ADAM29: variants seen among roughly 807,000 people sequenced by gnomAD.
The protein encoded by ADAM29 is disintegrin and metalloproteinase domain-containing protein 29.
For synonymous variants in ADAM29, 367 were observed against 342.3 expected (o/e 1.07, Z -0.80); for missense variants, 969 against 1,001.8 (o/e 0.97, Z 0.44).
At chr4:174,924,049 T>C (rs1265076669) in intron 2 of ADAM29, 1 of 152,158 alleles carries the variant, frequency 6.6e-6, no homozygotes, top group Non-Finnish European at 1.5e-5. Flanking sequence ...GAAGACACTG[T>C]TAAGAGAATG....
chr4:174,949,493 G>A (rs1745047679), intron 4 of ADAM29, among the ~76,000 whole-genome samples: 1 of 152,070 alleles, frequency 6.6e-6, no homozygotes. Flanking sequence ...CTCCTCACCT[G>A]TGTGAATTAC....
intron 4 of ADAM29, among the ~76,000 whole-genome samples, chr4:174,974,187 A>AG (rs1403845604): frequency 5.3e-5 from 8 of 152,218 alleles, no homozygotes; most frequent in African/African-American, 1.9e-4. Flanking sequence ...CTGACTCTAA[A>AG]GAAGGGGCTG....
At chr4:174,969,379 T>C in intron 4 of ADAM29, among the ~76,000 whole-genome samples, 1 of 151,792 alleles carries the variant, frequency 6.6e-6, no homozygotes, top group East Asian at 1.9e-4. Context: ...ACTACTAAAA[T>C]GAATTAAAAT....
intron 4 of ADAM29, among the ~76,000 whole-genome samples, chr4:174,953,912 A>G (rs1199035866): frequency 6.6e-6 from 1 of 152,016 alleles, no homozygotes; most frequent in Non-Finnish European, 1.5e-5. Context: ...GGGTTTCACC[A>G]CGGTTTTCAG....
At chr4:174,972,113 A>G (rs1300738224) in intron 4 of ADAM29, among the ~76,000 whole-genome samples, 2 of 152,170 alleles carry the variant, frequency 1.3e-5, no homozygotes, top group Non-Finnish European at 2.9e-5. Flanking sequence ...CTTGACCTCC[A>G]TAAACATCTT....
intron 2 of ADAM29, among the ~76,000 whole-genome samples, chr4:174,928,803 C>G (rs992068026): frequency 2.6e-5 from 4 of 152,090 alleles, no homozygotes; most frequent in African/African-American, 9.7e-5. Flanking sequence ...TCTATAGAGA[C>G]TGGATGAAGG....
intron 4 of ADAM29, among the ~76,000 whole-genome samples, chr4:174,947,252 G>A (rs965714499): frequency 6.6e-6 from 1 of 151,918 alleles, no homozygotes; most frequent in African/African-American, 2.4e-5. Flanking sequence ...GTTTCACTCA[G>A]TTCAGCTCTG....
chr4:174,971,287 C>G (rs181329584), intron 4 of ADAM29, among the ~76,000 whole-genome samples: 3 of 152,264 alleles, frequency 2.0e-5, no homozygotes, highest in Admixed American at 2.0e-4. Flanking sequence ...TGTCCCTATA[C>G]TTACCTTTAT....
At chr4:174,932,556 C>T (rs1743953399) in intron 3 of ADAM29, among the ~76,000 whole-genome samples, 1 of 152,150 alleles carries the variant, frequency 6.6e-6, no homozygotes, top group African/African-American at 2.4e-5. Context: ...CCCAATCACT[C>T]CCAAAGGCCA....
chr4:174,975,353 G>T lies in ADAM29; in HGVS notation c.-173G>T. 1 of 476,598 alleles carries T rather than the reference G, an allele frequency of 2.1e-6. No homozygotes were observed. Among genetic ancestry groups the T allele is most frequent in the Middle Eastern group, 5.7e-4 (1 of 1,762 alleles). 29.5% of individuals were successfully genotyped at this position (476,598 alleles called of 1,614,324 possible). On this transcript the variant is annotated 5_prime_UTR_variant, in exon 5 of 5. Coordinates refer to ENST00000359240, the MANE Select transcript of ADAM29 (RefSeq NM_014269.4). ...TTTTTGTTTTACTTATAGTGCTGCA[G>T]CTCTGATGGTTCAACTCTGCCAAAA...
chr4:174,925,047 A>C (rs1444465973), intron 2 of ADAM29, among the ~76,000 whole-genome samples: 2 of 152,162 alleles, frequency 1.3e-5, no homozygotes, highest in African/African-American at 4.8e-5. Flanking sequence ...ATCAAACACT[A>C]ATTGAGGGAC....
Position 174,978,168 on chromosome 4 carries a change from AT to A in ADAM29, c.*181del, listed in dbSNP as rs1328536485. The A allele has an allele frequency of 1.2e-5, 12 of 1,014,958 alleles. No individual in the cohort carries two copies. The East Asian group carries it at 1.2e-4, about 10-fold the overall frequency. 62.9% of individuals were successfully genotyped at this position (1,014,958 alleles called of 1,614,324 possible). On this transcript the variant is annotated 3_prime_UTR_variant, in exon 5 of 5. Transcript: ENST00000359240. ...TATCCAGAAAAGGTACATTAAAAAA[AT>A]AATTCCTAGTATGTTTCTACTTACT...
Position 174,977,030 on chromosome 4 carries a change from A to G in ADAM29, c.1505A>G (p.Asn502Ser), listed in dbSNP as rs773310600. 5.6e-6 allele frequency: 9 copies of G among 1,614,202 alleles called. No individual in the cohort carries two copies. Among genetic ancestry groups the G allele is most frequent in the Admixed American group, 3.3e-5 (2 of 60,024 alleles). ...YCYEKSCHDR[N>S]EQCRRIFGAG... The stretch of plus-strand genomic sequence containing the variant: ...TATGAAAAGAGCTGTCATGACCGCA[A>G]TGAACAGTGTAGGAGGATTTTTGGT... The change falls in exon 5 of 5, where the codon AAT becomes AGT. Residue 502 changes from asparagine to serine, a missense_variant. By Grantham distance (46) the Asn-to-Ser change is conservative. Transcript: ENST00000359240.
At position 174,976,954 on chromosome 4, in the gene ADAM29, G is replaced by T. The variant is rs1464599806; in HGVS notation, c.1429G>T (p.Asp477Tyr). ...WCNGTSHKCP[D>Y]DFYVEDGIPC... ...CAATGGTACTTCCCATAAGTGCCCA[G>T]ATGACTTTTATGTGGAAGATGGAAT... Residue 477 changes from aspartate (D) to tyrosine (Y), a missense_variant, in exon 5 of 5, where the codon GAT (aspartate) becomes TAT (tyrosine). Coordinates refer to ENST00000359240, the MANE Select transcript of ADAM29 (RefSeq NM_014269.4). 2 of 1,614,124 alleles carry T rather than the reference G, an allele frequency of 1.2e-6. No individual in the cohort carries two copies. Among genetic ancestry groups the T allele is most frequent in the Non-Finnish European group, 8.5e-7 (1 of 1,180,018 alleles).
chr4:174,977,169 T>C lies in ADAM29; in HGVS notation c.1644T>C (p.Asp548=), dbSNP rs763535563. 5 of 1,614,146 alleles carry C rather than the reference T, an allele frequency of 3.1e-6. No homozygotes were observed. Among genetic ancestry groups the C allele is most frequent in the Middle Eastern group, 3.3e-4 (2 of 6,060 alleles). Residue 548 remains aspartate, a synonymous_variant, in exon 5 of 5, where the codon GAT becomes GAC. Transcript: ENST00000359240. ...NATYIKCNIS[D]VQCGRIQCEN... is the part of the protein sequence containing the mutation. ...CATATATAAAGTGTAATATCTCAGA[T>C]GTCCAGTGTGGAAGAATTCAGTGTG...
At chr4:174,951,385 T>A (rs185867439) in intron 4 of ADAM29, among the ~76,000 whole-genome samples, 221 of 152,322 alleles carry the variant, frequency 1.5e-3, no homozygotes, top group African/African-American at 4.9e-3. Flanking sequence ...AGCATTTTGT[T>A]ATCTCTCCCT....
chr4:174,944,827 C>T (rs1744749958), intron 4 of ADAM29, among the ~76,000 whole-genome samples: 2 of 152,196 alleles, frequency 1.3e-5, no homozygotes, highest in South Asian at 4.1e-4. Context: ...TAATAGCCTC[C>T]AGCTCTGCCT....
At chr4:174,940,291 C>T (rs1744451716) in intron 4 of ADAM29, among the ~76,000 whole-genome samples, 1 of 152,038 alleles carries the variant, frequency 6.6e-6, no homozygotes, top group Non-Finnish European at 1.5e-5. Flanking sequence ...GACTTGGTAT[C>T]ATTAACATGA....
intron 2 of ADAM29, among the ~76,000 whole-genome samples, chr4:174,927,206 C>T (rs1444245883): frequency 1.3e-5 from 2 of 152,180 alleles, no homozygotes; most frequent in Non-Finnish European, 1.5e-5. Context: ...TCATTATACA[C>T]TCGCTATCAA....
Sources: gnomAD v4.1 joint callset for allele counts (sites outside exome capture counted in the v4.1 genomes callset) on GRCh38, gnomAD v4.1.1 for gene constraint, MANE v1.5 for transcripts, NCBI Gene and HGNC (gene_info 2026-07-23, HGNC 2026-07-21) for gene names.